CFAP46: variants seen among roughly 807,000 people sequenced by gnomAD.
CFAP46 encodes the protein cilia and flagella associated protein 46.
CFAP46 carries 245 observed loss-of-function variants against 325.7 expected under a neutral mutation model. The ratio of observed to expected loss-of-function variants is 0.75; its 90% CI spans 0.68 to 0.84. CFAP46 has a LOEUF of 0.84. Ranked by LOEUF, CFAP46 falls within the 40% of genes least tolerant of loss-of-function variation. The probability of loss-of-function intolerance (pLI) is 0.00; values close to 1 mark genes in which losing one functional copy is unlikely to be tolerated. For synonymous variants in CFAP46, 1,523 were observed against 1,495.9 expected (o/e 1.02, Z -0.42); for missense variants, 3,346 against 3,543.0 (o/e 0.94, Z 1.41).
chr10:132,889,587 A>C lies in CFAP46; in HGVS notation c.3304+2746T>G, dbSNP rs1200767146. The stretch of plus-strand genomic sequence containing the variant: ...AGGGAGTCCTCTTCAATCCTGCCTA[A>C]GTGGAGGGCTCACTTTGAGGTGTGA... On this transcript the variant is annotated intron_variant, in intron 25 of 57. Coordinates refer to ENST00000368586, the MANE Select transcript of CFAP46 (RefSeq NM_001200049.3). The surrounding 1 kb of genome is among the most constrained non-coding windows in gnomAD (Gnocchi z 6.0). Among the ~76,000 whole-genome samples, 3 of 152,218 alleles carry C rather than the reference A, an allele frequency of 2.0e-5. No individual in the cohort carries two copies. The highest frequency in any genetic ancestry group is 7.2e-5 in the African/African-American group (3 of 41,450).
intron 50 of CFAP46, among the ~76,000 whole-genome samples, chr10:132,819,047 A>G (rs118140429): frequency 6.6e-6 from 1 of 152,206 alleles, no homozygotes; most frequent in Non-Finnish European, 1.5e-5. Flanking sequence ...TAGTATTTCT[A>G]TACATTACAA....
At chr10:132,814,030 A>T in intron 54 of CFAP46, 122 bp downstream of exon 54, 2 of 709,420 alleles carry the variant, frequency 2.8e-6, no homozygotes, top group Non-Finnish European at 2.5e-6. Flanking sequence ...TCAGCATTGC[A>T]TGCTGTATGT....
Position 132,846,999 on chromosome 10 carries a change from AGGCTGGC to A in CFAP46, c.6193_6199del (p.Ala2065TrpfsTer31). The stretch of plus-strand genomic sequence containing the variant: ...GGTGCCGACACACTCCACCATCTCC[AGGCTGGC>A]GGCTGCTGCGACATCCAGGAGGCCA... On this transcript the variant is annotated frameshift_variant, in exon 43 of 58. Transcript: ENST00000368586. LOFTEE classifies it high-confidence loss of function. 6.2e-7 allele frequency: 1 copy of A among 1,610,676 alleles called. No individual in the cohort carries two copies. The highest frequency in any genetic ancestry group is 8.5e-7 in the Non-Finnish European group (1 of 1,179,612).
intron 39 of CFAP46, among the ~76,000 whole-genome samples, chr10:132,856,727 T>G (rs1848647500): frequency 6.6e-6 from 1 of 152,240 alleles, no homozygotes; most frequent in South Asian, 2.1e-4. Context: ...TGTCTTCCAA[T>G]TATAATATCT....
At chr10:132,898,299 A>T (rs1849344758) in intron 24 of CFAP46, among the ~76,000 whole-genome samples, 1 of 152,204 alleles carries the variant, frequency 6.6e-6, no homozygotes, top group Non-Finnish European at 1.5e-5. Context: ...CAGGAAGCCC[A>T]GTCCACAAGG....
chr10:132,851,142 G>A lies in CFAP46; in HGVS notation c.5738C>T (p.Thr1913Ile), dbSNP rs1388814217. The change falls in exon 40 of 58, where the codon ACC becomes ATC. Residue 1913 changes from threonine (T) to isoleucine (I), a missense_variant. Physicochemically the swap from Thr to Ile is moderately conservative, Grantham distance 89. Transcript: ENST00000368586. The stretch of plus-strand genomic sequence containing the variant: ...CAGGCCGACGGAAGTGTAGTCACTG[G>A]TGTTCTGCAGATAGTCCGCCAGCAG... ...EKLLADYLQN[T>I]SDYTSVGLQW... 2 of 1,614,020 alleles carry A rather than the reference G, an allele frequency of 1.2e-6. No individual in the cohort carries two copies. Among genetic ancestry groups the A allele is most frequent in the Non-Finnish European group, 1.7e-6 (2 of 1,180,024 alleles).
In CFAP46 at chr10:132,846,244, G is replaced by A. The variant is rs375983847; in HGVS notation, c.6268-17C>T. On this transcript the variant is annotated splice_polypyrimidine_tract_variant and intron_variant, in intron 43 of 57. Transcript: ENST00000368586. ...CGAGCAGCTCTGAAAGGGAGCAGGG[G>A]AGGTGTACCAGGGGCCCGAGGCCTG... The A allele has an allele frequency of 3.1e-6, 5 of 1,609,400 alleles. No homozygotes were observed. The African/African-American group carries it at 5.3e-5, about 17-fold the overall frequency.
intron 50 of CFAP46, among the ~76,000 whole-genome samples, chr10:132,825,825 T>C (rs1476978460): frequency 1.3e-5 from 2 of 152,162 alleles, no homozygotes; most frequent in East Asian, 3.8e-4. Context: ...AAACAGGCTC[T>C]TCACAAACAG....
At chr10:132,821,495 ATGTGTGCTGTGTGCGC>A (rs1411077770) in intron 50 of CFAP46, among the ~76,000 whole-genome samples, 37 of 106,764 alleles carry the variant, frequency 3.5e-4, no homozygotes, top group Non-Finnish European at 5.4e-4. Flanking sequence ...GTGAGTGCTG[ATGTGTGCTGTGTGCGC>A]TGTGTGCTGT....
In CFAP46 at chr10:132,876,885, G is replaced by A; in HGVS notation, c.4289C>T (p.Pro1430Leu). ...SIEEWASYSC[P>L]EEVLSVLKQD... is the part of the protein sequence containing the mutation. ...TTTCAGTACAGACAGCACTTCCTCG[G>A]GGCAGGAGTAGGAAGCCCACTCTTC... Residue 1430 changes from proline (P) to leucine (L), a missense_variant, in exon 31 of 58, where the codon CCC becomes CTC. By Grantham distance (98) the Pro-to-Leu change is moderately conservative. Coordinates refer to ENST00000368586, the MANE Select transcript of CFAP46 (RefSeq NM_001200049.3). This position sits in a 1 kb window ranked among gnomAD's most constrained non-coding sequence, Gnocchi z 4.1. 6.4e-7 allele frequency: 1 copy of A among 1,550,580 alleles called. No individual in the cohort carries two copies. Among genetic ancestry groups the A allele is most frequent in the Non-Finnish European group, 8.7e-7 (1 of 1,146,978 alleles).
intron 3 of CFAP46, among the ~76,000 whole-genome samples, 160 bp from the exon 4 acceptor site, chr10:132,941,220 G>T (rs1850095870): frequency 6.6e-6 from 1 of 152,142 alleles, no homozygotes; most frequent in Admixed American, 6.5e-5. Flanking sequence ...TGAGTGTCGT[G>T]GCGAGGTCCT....
chr10:132,839,448 C>A (rs1042492962), intron 44 of CFAP46, among the ~76,000 whole-genome samples: 3 of 152,202 alleles, frequency 2.0e-5, no homozygotes, highest in African/African-American at 7.2e-5. Flanking sequence ...TGGCACGGAG[C>A]CTCTCGGCCC....
Position 132,885,806 on chromosome 10 carries a change from G to T in CFAP46, c.3443+15C>A. The T allele has an allele frequency of 1.9e-6, 3 of 1,541,892 alleles. No homozygotes were observed. Among genetic ancestry groups the T allele is most frequent in the Non-Finnish European group, 2.6e-6 (3 of 1,142,408 alleles). On this transcript the variant is annotated intron_variant, in intron 26 of 57. Transcript: ENST00000368586. ...GGTGGAGGGAGCACTCACAGGCGGTGGGGGGAGCACTCACAGGCGGTGGGC... is the reference window on the plus strand; with the variant it reads ...GGTGGAGGGAGCACTCACAGGCGGTTGGGGGAGCACTCACAGGCGGTGGGC...
rs551368250 is a variant in CFAP46 at position 132,940,845 on chromosome 10, C to T, written c.371+151G>A. ...TGAATGTGGCCTGTCCACACGCTGA[C>T]GAGATGAGGGAGTGATCACACGTGC... On this transcript the variant is annotated intron_variant, in intron 4 of 57. Coordinates refer to ENST00000368586, the MANE Select transcript of CFAP46 (RefSeq NM_001200049.3). The T allele has an allele frequency of 1.4e-4, 106 of 735,644 alleles. 3 individuals carry two copies. Among genetic ancestry groups the T allele is most frequent in the South Asian group, 1.0e-3 (58 of 57,436 alleles). The allele number at this position is 735,644 out of a possible 1,614,324, so 45.6% of individuals were successfully genotyped here.
At chr10:132,912,454 TCTCTTCA>T (rs1849560448) in intron 19 of CFAP46, among the ~76,000 whole-genome samples, 194 bp downstream of exon 19, 1 of 140,048 alleles carries the variant, frequency 7.1e-6, no homozygotes, top group African/African-American at 2.7e-5. Context: ...CCTCTCTCTC[TCTCTTCA>T]CCTCTCTCTC....
chr10:132,865,396 G>A (rs904012271), intron 35 of CFAP46, among the ~76,000 whole-genome samples: 9 of 150,738 alleles, frequency 6.0e-5, no homozygotes, highest in African/African-American at 1.7e-4. Context: ...AGGAGGGGCC[G>A]AGGTGAAGGG....
chr10:132,881,774 A>C (rs36049910), intron 27 of CFAP46, among the ~76,000 whole-genome samples: 69,595 of 151,286 alleles, frequency 0.46, 16,418 homozygotes, highest in Admixed American at 0.56. Flanking sequence ...CTGGCACCAC[A>C]CCACGTGCCA....
chr10:132,887,301 C>G (rs564571204), intron 25 of CFAP46, among the ~76,000 whole-genome samples: 1 of 116,510 alleles, frequency 8.6e-6, no homozygotes, highest in African/African-American at 4.2e-5. Flanking sequence ...TCTTTCCTCT[C>G]CCCTCTTCTC....
At position 132,942,040 on chromosome 10, in the gene CFAP46, A is replaced by G. The variant is rs545296799; in HGVS notation, c.114T>C (p.Phe38=). The G allele has an allele frequency of 4.5e-6, 7 of 1,551,804 alleles. No individual in the cohort carries two copies. In the African/African-American group the frequency reaches 9.6e-5, roughly 21 times the overall value. The change falls in exon 2 of 58, where the codon TTT becomes TTC. Residue 38 remains phenylalanine (F), a synonymous_variant. Coordinates refer to ENST00000368586, the MANE Select transcript of CFAP46 (RefSeq NM_001200049.3). ...IKSANLGKSE[F]DPSESFSPDL... ...CTGGGCTGAAGCTCTCTGAGGGGTC[A>G]AACTCCGATTTCCCTAGGTTGGCCG... is the stretch of plus-strand genomic sequence containing the variant.
Sources: allele counts gnomAD v4.1 joint callset (sites outside exome capture counted in the v4.1 genomes callset), GRCh38; gene constraint gnomAD v4.1.1; non-coding constraint Gnocchi (gnomAD v3.1); transcripts MANE v1.5; gene names NCBI Gene and HGNC (gene_info 2026-07-23, HGNC 2026-07-21).